The following UBE2F variants were observed in gnomAD, a reference collection of about 807,000 sequenced individuals.
UBE2F encodes the protein NEDD8-conjugating enzyme UBE2F.
UBE2F carries 5 observed loss-of-function variants against 29.6 expected under a neutral mutation model. That is an observed-to-expected ratio of 0.17 (90% CI 0.09 to 0.36). The LOEUF is 0.36. Ranked by LOEUF, UBE2F falls within the 10% of genes least tolerant of loss-of-function variation. The pLI, the probability that UBE2F is intolerant of heterozygous loss-of-function variation, is 1.00. For synonymous variants in UBE2F, 66 were observed against 81.8 expected (o/e 0.81, Z 1.04); for missense variants, 141 against 228.5 (o/e 0.62, Z 2.47).
rs76469945 is a variant in UBE2F at position 238,028,234 on chromosome 2, C to T, written c.354-2322C>T. On this transcript the variant is annotated intron_variant, in intron 6 of 9. Coordinates refer to ENST00000272930, the MANE Select transcript of UBE2F (RefSeq NM_080678.3). ...GGGGCCGGCCTTGCCTCCCCATTAC[C>T]TGCCCCAGCCAGATGCAAAGCCCTC... Among the ~76,000 whole-genome samples, 285 of 152,348 alleles carry T rather than the reference C, an allele frequency of 1.9e-3. 3 individuals are homozygous for T. Among genetic ancestry groups the T allele is most frequent in the African/African-American group, 6.5e-3 (271 of 41,586 alleles).
chr2:238,041,425 C>A lies in UBE2F; in HGVS notation c.*87C>A. 1 of 1,403,104 alleles carries A rather than the reference C, an allele frequency of 7.1e-7. No homozygotes were observed. The highest frequency in any genetic ancestry group is 1.4e-5 in the African/African-American group (1 of 71,004). 86.9% of individuals were successfully genotyped at this position (1,403,104 alleles called of 1,614,324 possible). On this transcript the variant is annotated 3_prime_UTR_variant, in exon 10 of 10. Transcript: ENST00000272930. ...AAGAGGTAGCCCCCTCTCCCGTCCT[C>A]ATGCTCCCTCTCAGTCCCCTGGATT... is the stretch of plus-strand genomic sequence containing the variant.
intron 2 of UBE2F, chr2:237,986,243 A>T (rs796776415): frequency 1.9e-5 from 6 of 318,098 alleles, no homozygotes; most frequent in Middle Eastern, 1.1e-3. Context: ...TCGACTTCCC[A>T]GGCTCAGGTG....
At chr2:238,008,566 A>G (rs528620929) in intron 4 of UBE2F, among the ~76,000 whole-genome samples, 2 of 152,228 alleles carry the variant, frequency 1.3e-5, no homozygotes, top group East Asian at 3.9e-4. Flanking sequence ...TCTCTTGATC[A>G]GGTTAATGAG....
chr2:238,029,692 C>T (rs1185682243), intron 6 of UBE2F, among the ~76,000 whole-genome samples: 6 of 152,156 alleles, frequency 3.9e-5, no homozygotes, highest in Admixed American at 2.0e-4. Context: ...TGTCGGTGCC[C>T]GTGAGCTGCC....
At chr2:238,016,502 CT>C (rs2064156724) in intron 4 of UBE2F, 63 bp from the exon 5 acceptor site, 1 of 1,437,290 alleles carries the variant, frequency 7.0e-7, no homozygotes. Context: ...AGAGTGTTTG[CT>C]TTTTGTTTCC....
At chr2:237,984,544 A>T (rs191461257) in intron 2 of UBE2F, among the ~76,000 whole-genome samples, 4 of 152,212 alleles carry the variant, frequency 2.6e-5, no homozygotes, top group African/African-American at 9.6e-5. Context: ...AATTTTACTT[A>T]CTTGCCAAAA....
chr2:237,971,288 AAATTATGG>A (rs1163233081), intron 1 of UBE2F, among the ~76,000 whole-genome samples: 1 of 152,194 alleles, frequency 6.6e-6, no homozygotes, highest in African/African-American at 2.4e-5. Flanking sequence ...GCAACAAAGG[AAATTATGG>A]AAATATTGAA....
chr2:237,993,313 C>T (rs1278054910), intron 3 of UBE2F, among the ~76,000 whole-genome samples: 1 of 152,062 alleles, frequency 6.6e-6, no homozygotes, highest in East Asian at 1.9e-4. Context: ...CTTCCATTTG[C>T]CGTGGTGACT....
At chr2:237,981,749 C>T (rs7609340) in intron 2 of UBE2F, among the ~76,000 whole-genome samples, 129,650 of 150,954 alleles carry the variant, frequency 0.86, 55,818 homozygotes, top group East Asian at 0.97. Flanking sequence ...ACTTCAGCCT[C>T]CTGAGTAGCT....
intron 4 of UBE2F, among the ~76,000 whole-genome samples, chr2:238,006,759 C>CTTTTTTTTTTTTTTTTTTT (rs60514924): frequency 8.0e-6 from 1 of 125,574 alleles, no homozygotes; most frequent in African/African-American, 2.9e-5. Flanking sequence ...TTTCTTTTTT[C>CTTTTTTTTTTTTTTTTTTT]TTTTTTTTTT....
chr2:237,991,928 C>T (rs371104571), intron 3 of UBE2F, among the ~76,000 whole-genome samples: 19 of 151,208 alleles, frequency 1.3e-4, no homozygotes, highest in African/African-American at 3.9e-4. Flanking sequence ...TGAAGTGGCA[C>T]GATCTCAGCT....
At chr2:238,039,733 GGCCTGCTGGAGCATGGA>G (rs1166753654) in intron 9 of UBE2F, among the ~76,000 whole-genome samples, 2 of 152,164 alleles carry the variant, frequency 1.3e-5, no homozygotes, top group African/African-American at 4.8e-5. Flanking sequence ...TGGAGCATGG[GGCCTGCTGGAGCATGGA>G]GCCTGCTGCA....
chr2:238,000,785 T>C (rs2063776432), intron 4 of UBE2F, among the ~76,000 whole-genome samples: 1 of 152,214 alleles, frequency 6.6e-6, no homozygotes, highest in Non-Finnish European at 1.5e-5. Flanking sequence ...TGAATGAGAA[T>C]TCCAGTTTCT....
At chr2:238,016,383 C>T (rs2064153349) in intron 4 of UBE2F, 183 bp from the exon 5 acceptor site, 1 of 579,032 alleles carries the variant, frequency 1.7e-6, no homozygotes, top group African/African-American at 1.9e-5. Context: ...CATTTCTGTT[C>T]AGGCAGGGGC....
At chr2:237,998,591 A>G (rs879454652) in intron 4 of UBE2F, among the ~76,000 whole-genome samples, 5 of 147,042 alleles carry the variant, frequency 3.4e-5, no homozygotes, top group Non-Finnish European at 5.9e-5. Flanking sequence ...ACCAAAAGCT[A>G]TGAGGTTTGA....
intron 4 of UBE2F, among the ~76,000 whole-genome samples, chr2:238,010,164 T>C (rs2063990946): frequency 6.6e-6 from 1 of 152,138 alleles, no homozygotes; most frequent in African/African-American, 2.4e-5. Context: ...ATAGATAGAT[T>C]GAGCTTTATT....
At chr2:237,988,615 T>G (rs1472850694) in intron 3 of UBE2F, among the ~76,000 whole-genome samples, 1 of 128,076 alleles carries the variant, frequency 7.8e-6, no homozygotes, top group South Asian at 2.5e-4. Context: ...GACTCTGTCT[T>G]AAAAAAAAAA....
Position 237,973,329 on chromosome 2 carries a change from CTG to C in UBE2F, c.118+106_118+107del, listed in dbSNP as rs1485679899. On this transcript the variant is annotated intron_variant, in intron 2 of 9. Transcript: ENST00000272930. ...GCAACCTACTGCTGAATAGAAATAC[CTG>C]TTTAAAAGATTTTAAAATATAATTG... is the stretch of plus-strand genomic sequence containing the variant. 3.9e-6 allele frequency: 5 copies of C among 1,297,582 alleles called. No homozygotes were observed. The African/African-American group carries it at 5.9e-5, about 15-fold the overall frequency. 80.4% of individuals were successfully genotyped at this position (1,297,582 alleles called of 1,614,324 possible). A position where few individuals can be genotyped will look rare whatever the true frequency, so the allele number is the denominator to read the frequency against.
intron 2 of UBE2F, among the ~76,000 whole-genome samples, chr2:237,976,029 T>C (rs1166014475): frequency 6.6e-6 from 1 of 152,238 alleles, no homozygotes; most frequent in Admixed American, 6.5e-5. Context: ...GGAGTGAGAA[T>C]GGTATTTCAC....
Sources: allele counts gnomAD v4.1 joint callset (sites outside exome capture counted in the v4.1 genomes callset), GRCh38; gene constraint gnomAD v4.1.1; transcripts MANE v1.5; gene names NCBI Gene and HGNC (gene_info 2026-07-23, HGNC 2026-07-21).